GOLM2: variants seen among roughly 807,000 people sequenced by gnomAD.
The protein encoded by GOLM2 is protein GOLM2.
A neutral mutation model predicts 55.9 loss-of-function variants in GOLM2; 26 were observed. The ratio of observed to expected loss-of-function variants is 0.47; its 90% CI spans 0.34 to 0.65. The LOEUF (loss-of-function observed/expected upper bound fraction) is 0.65, where lower values mean the gene tolerates loss of function less well. Among genes scored for constraint, GOLM2 ranks in the 30% least tolerant of loss-of-function variants. The probability of loss-of-function intolerance (pLI) is 0.01; values close to 1 mark genes in which losing one functional copy is unlikely to be tolerated. For synonymous variants in GOLM2, 165 were observed against 194.6 expected, an observed-to-expected ratio of 0.85 and a Z score of 1.27; for missense variants, 486 against 531.8, an observed-to-expected ratio of 0.91 and a Z score of 0.85.
chr15:44,406,170 GC>G (rs1658926906), intron 9 of GOLM2, among the ~76,000 whole-genome samples: 2 of 152,218 alleles, frequency 1.3e-5, no homozygotes, highest in Non-Finnish European at 1.5e-5. Flanking sequence ...GGAGGCCAAG[GC>G]AGGCGGATCA....
rs528439841 is a variant in GOLM2, at chr15:44,360,148, C to T, written c.803-19542C>T. Among the ~76,000 whole-genome samples the T allele has an allele frequency of 1.5e-3, 227 of 152,214 alleles. 1 individual carries two copies. The highest frequency in any genetic ancestry group is 5.0e-3 in the African/African-American group (206 of 41,536). ...ACTAGGAAGAAACTGCATCAACTAACGAGCAAAATAACCAGCTAACATCAT... is the reference window on the plus strand; with the variant it reads ...ACTAGGAAGAAACTGCATCAACTAATGAGCAAAATAACCAGCTAACATCAT... On this transcript the variant is annotated intron_variant, in intron 6 of 9. Transcript: ENST00000299957.
In GOLM2 at chr15:44,331,968, A is replaced by G. The variant is rs1177043018; in HGVS notation, c.486-20A>G. On this transcript the variant is annotated intron_variant, in intron 3 of 9. Transcript: ENST00000299957. ...CCAATCCAAGATAATATAATCTAAA[A>G]GAATGACTTTGTAATTTAGTTTTCA... 2.7e-6 allele frequency: 4 copies of G among 1,506,478 alleles called. No homozygotes were observed. In the Admixed American group the frequency reaches 5.1e-5, roughly 19 times the overall value. 93.3% of individuals were successfully genotyped at this position (1,506,478 alleles called of 1,614,324 possible).
chr15:44,397,165 T>A (rs1051517214), intron 8 of GOLM2, among the ~76,000 whole-genome samples: 11 of 151,818 alleles, frequency 7.2e-5, no homozygotes, highest in Non-Finnish European at 1.0e-4. Context: ...AGAGATGAAG[T>A]CTACTATTTA....
intron 4 of GOLM2, among the ~76,000 whole-genome samples, chr15:44,335,593 C>G (rs1351346997): frequency 6.6e-6 from 1 of 152,150 alleles, no homozygotes; most frequent in Non-Finnish European, 1.5e-5. Flanking sequence ...GACATGCAAG[C>G]TGGCTGCTCA....
chr15:44,371,787 G>A lies in GOLM2; in HGVS notation c.803-7903G>A, dbSNP rs554761068. Among the ~76,000 whole-genome samples, 11 of 152,000 alleles carry A rather than the reference G, an allele frequency of 7.2e-5. No individual in the cohort carries two copies. In the East Asian group the frequency reaches 7.7e-4, roughly 11 times the overall value. Reference sequence around the variant, plus strand: ...GAGGCTCAGAAAATTGATCACAGCCGGTCAATAAATTGATTAGTTTTACAT... The same window carrying A: ...GAGGCTCAGAAAATTGATCACAGCCAGTCAATAAATTGATTAGTTTTACAT... On this transcript the variant is annotated intron_variant, in intron 6 of 9. Transcript: ENST00000299957.
intron 6 of GOLM2, among the ~76,000 whole-genome samples, chr15:44,369,067 T>TTATTTATATATA (rs2079307007): frequency 4.4e-5 from 1 of 22,960 alleles, no homozygotes; most frequent in Non-Finnish European, 8.1e-5. Flanking sequence ...ATAGGATATA[T>TTATTTATATATA]TATATATATA....
At chr15:44,368,893 A>T (rs530432181) in intron 6 of GOLM2, among the ~76,000 whole-genome samples, 2 of 149,416 alleles carry the variant, frequency 1.3e-5, no homozygotes, top group East Asian at 4.0e-4. Flanking sequence ...ATTTTATTGT[A>T]TACTTTATGA....
intron 8 of GOLM2, among the ~76,000 whole-genome samples, chr15:44,394,040 A>G (rs1009621880): frequency 1.3e-5 from 2 of 152,140 alleles, no homozygotes; most frequent in African/African-American, 4.8e-5. Context: ...GGATTTTGGT[A>G]TCTGCTGGGG....
intron 3 of GOLM2, among the ~76,000 whole-genome samples, chr15:44,330,588 G>A (rs2079016804): frequency 6.6e-6 from 1 of 151,546 alleles, no homozygotes; most frequent in Non-Finnish European, 1.5e-5. Flanking sequence ...AAAACTAGCT[G>A]GGTATGCTGG....
intron 1 of GOLM2, among the ~76,000 whole-genome samples, chr15:44,314,648 A>G (rs562840440): frequency 6.6e-6 from 1 of 152,340 alleles, no homozygotes; most frequent in Admixed American, 6.5e-5. Flanking sequence ...ACAGATAAGT[A>G]AAAGTTGCAG....
rs140085140 is a variant in GOLM2, at chr15:44,408,480, G to T, written c.1241-4856G>T. Among the ~76,000 whole-genome samples, 344 of 152,294 alleles carry T rather than the reference G, an allele frequency of 2.3e-3. 1 individual carries two copies. The highest frequency in any genetic ancestry group is 8.2e-3 in the African/African-American group (340 of 41,560). On this transcript the variant is annotated intron_variant, in intron 9 of 9. Transcript: ENST00000299957. ...ATACTTCATATTTATTGAGGACATTGCAAGTAATGACTGCCTTCATGTATA... is the reference window on the plus strand; with the variant it reads ...ATACTTCATATTTATTGAGGACATTTCAAGTAATGACTGCCTTCATGTATA...
intron 6 of GOLM2, among the ~76,000 whole-genome samples, chr15:44,344,202 G>T (rs561028424): frequency 1.3e-5 from 2 of 151,020 alleles, no homozygotes; most frequent in African/African-American, 4.9e-5. Context: ...GGAGGCTTCA[G>T]TGAGCAGAGA....
At chr15:44,321,093 C>G (rs1053811449) in intron 1 of GOLM2, among the ~76,000 whole-genome samples, 2 of 152,040 alleles carry the variant, frequency 1.3e-5, no homozygotes, top group East Asian at 1.9e-4. Flanking sequence ...TGAGACTACT[C>G]TCATGTTTTC....
chr15:44,390,959 A>C (rs1197481163), intron 8 of GOLM2, among the ~76,000 whole-genome samples: 5 of 152,174 alleles, frequency 3.3e-5, no homozygotes, highest in African/African-American at 7.2e-5. Context: ...ATATCACCAC[A>C]GTAGGGATTA....
At chr15:44,349,218 C>A (rs2079144929) in intron 6 of GOLM2, among the ~76,000 whole-genome samples, 2 of 144,330 alleles carry the variant, frequency 1.4e-5, no homozygotes, top group African/African-American at 5.1e-5. Flanking sequence ...GAGATCGCGC[C>A]ATTGCACTAC....
At chr15:44,401,138 G>C (rs1419301256) in intron 8 of GOLM2, among the ~76,000 whole-genome samples, 1 of 152,102 alleles carries the variant, frequency 6.6e-6, no homozygotes, top group Non-Finnish European at 1.5e-5. Context: ...TTCAGAGATA[G>C]AGTCTTGCTG....
chr15:44,366,625 C>T (rs1230901947), intron 6 of GOLM2, among the ~76,000 whole-genome samples: 1 of 152,002 alleles, frequency 6.6e-6, no homozygotes, highest in Non-Finnish European at 1.5e-5. Context: ...CAGAACGCGA[C>T]CCTGTCTCAA....
intron 9 of GOLM2, among the ~76,000 whole-genome samples, chr15:44,411,937 C>A (rs1229741617): frequency 6.6e-6 from 1 of 152,092 alleles, no homozygotes; most frequent in Non-Finnish European, 1.5e-5. Context: ...TTGGCTGAGG[C>A]CGGTGGATCA....
intron 1 of GOLM2, among the ~76,000 whole-genome samples, chr15:44,310,941 C>T (rs2078871300): frequency 1.3e-5 from 2 of 152,108 alleles, no homozygotes; most frequent in Non-Finnish European, 1.5e-5. Context: ...CGCTTGAACC[C>T]GGGAGGCGGA....
Sources: allele counts gnomAD v4.1 joint callset (sites outside exome capture counted in the v4.1 genomes callset), GRCh38; gene constraint gnomAD v4.1.1; transcripts MANE v1.5; gene names NCBI Gene and HGNC (gene_info 2026-07-23, HGNC 2026-07-21).